CDH11: variants seen among roughly 807,000 people sequenced by gnomAD.
CDH11 encodes the protein cadherin-11.
In CDH11, 11 loss-of-function variants were observed where a neutral mutation model predicts 67.8. The ratio of observed to expected loss-of-function variants is 0.16; its 90% CI spans 0.10 to 0.27. The LOEUF (loss-of-function observed/expected upper bound fraction) is 0.27, where lower values mean the gene tolerates loss of function less well. Among genes scored for constraint, CDH11 ranks in the 10% least tolerant of loss-of-function variants. The pLI, the probability that CDH11 is intolerant of heterozygous loss-of-function variation, is 1.00. For missense variants in CDH11, 847 were observed against 1,031.2 expected (o/e 0.82, Z 2.45); for synonymous variants, 419 against 400.0 (o/e 1.05, Z -0.57).
chr16:65,022,781 T>C (rs1282238040), intron 2 of CDH11, among the ~76,000 whole-genome samples: 9 of 150,954 alleles, frequency 6.0e-5, no homozygotes, highest in Non-Finnish European at 1.2e-4. Flanking sequence ...AAAAACAGAG[T>C]ACCCAAGTAC....
intron 2 of CDH11, among the ~76,000 whole-genome samples, chr16:65,053,551 CT>C (rs2074093286): frequency 6.6e-6 from 1 of 152,214 alleles, no homozygotes; most frequent in African/African-American, 2.4e-5. Flanking sequence ...TTAGTTCCTT[CT>C]TTCTCCTCCA....
intron 1 of CDH11, among the ~76,000 whole-genome samples, chr16:65,069,104 T>G (rs1163995850): frequency 6.6e-6 from 1 of 152,208 alleles, no homozygotes; most frequent in Non-Finnish European, 1.5e-5. Flanking sequence ...GAAACACTCT[T>G]TTACATTCCC....
chr16:64,997,439 G>C (rs963096953), intron 4 of CDH11, among the ~76,000 whole-genome samples: 1 of 149,008 alleles, frequency 6.7e-6, no homozygotes, highest in African/African-American at 2.5e-5. Context: ...AGCCCGCAAA[G>C]GTGAGAATAA....
At chr16:65,047,337 T>C (rs1025915697) in intron 2 of CDH11, among the ~76,000 whole-genome samples, 2 of 151,674 alleles carry the variant, frequency 1.3e-5, no homozygotes, top group Non-Finnish European at 2.9e-5. Flanking sequence ...TTTCACCTTT[T>C]AATTTTTTTT....
At chr16:64,990,907 T>C (rs1460604014) in intron 6 of CDH11, among the ~76,000 whole-genome samples, 1 of 152,224 alleles carries the variant, frequency 6.6e-6, no homozygotes, top group East Asian at 1.9e-4. Flanking sequence ...AATTAGGTAC[T>C]GTGGAAGACT....
chr16:65,050,993 A>G (rs892126401), intron 2 of CDH11, among the ~76,000 whole-genome samples: 1 of 152,170 alleles, frequency 6.6e-6, no homozygotes, highest in Non-Finnish European at 1.5e-5. Flanking sequence ...CTCAGCAGAA[A>G]TGAGATGATC....
chr16:65,045,841 C>T (rs1185595876), intron 2 of CDH11, among the ~76,000 whole-genome samples: 2 of 152,128 alleles, frequency 1.3e-5, no homozygotes, highest in Admixed American at 1.3e-4. Context: ...TTGTCTGTCA[C>T]CCAGTAGATC....
chr16:64,958,007 T>C (rs1567489035), intron 11 of CDH11, among the ~76,000 whole-genome samples: 1 of 152,184 alleles, frequency 6.6e-6, no homozygotes. Context: ...CTCTATTTTC[T>C]TGCCTTTCTG....
chr16:65,091,712 C>G (rs575807246), intron 1 of CDH11, among the ~76,000 whole-genome samples: 1 of 151,908 alleles, frequency 6.6e-6, no homozygotes, highest in Non-Finnish European at 1.5e-5. Context: ...CCACCACGCC[C>G]GGCTAATTTT....
At chr16:65,014,540 C>T (rs1188087715) in intron 2 of CDH11, among the ~76,000 whole-genome samples, 2 of 152,058 alleles carry the variant, frequency 1.3e-5, no homozygotes, top group Non-Finnish European at 2.9e-5. Context: ...GGGCTAGTGG[C>T]CACCATCTAG....
At chr16:64,981,705 T>C (rs2072354955) in intron 8 of CDH11, 1 of 177,950 alleles carries the variant, frequency 5.6e-6, no homozygotes, top group Non-Finnish European at 1.2e-5. Context: ...TGGGAAGGTA[T>C]TTAATAAATT....
chr16:65,007,109 A>C (rs1323599727), intron 2 of CDH11: 1 of 152,236 alleles, frequency 6.6e-6, no homozygotes, highest in Admixed American at 6.5e-5. Context: ...TGACCTCAGC[A>C]ACCTAGAAAA....
In CDH11 at chr16:64,950,825, G is replaced by A. The variant is rs1384620302; in HGVS notation, c.1836C>T (p.Asn612=). 2 of 1,614,058 alleles carry A rather than the reference G, an allele frequency of 1.2e-6. No homozygotes were observed. Among genetic ancestry groups the A allele is most frequent in the East Asian group, 2.2e-5 (1 of 44,876 alleles). Residue 612 remains asparagine, a synonymous_variant, in exon 12 of 13, where the codon AAC becomes AAT. Transcript: ENST00000268603. ...LSCNAEAYIL[N]AGLSTGALIA... ...TCAGGGCGCCTGTGCTCAGGCCGGC[G>A]TTCAGAATGTAGGCCTCTGCGTTGC...
In CDH11 at chr16:65,087,608, T is replaced by C. The variant is rs115072860; in HGVS notation, c.-297-33680A>G. On this transcript the variant is annotated intron_variant, in intron 1 of 12. Coordinates refer to ENST00000268603, the MANE Select transcript of CDH11 (RefSeq NM_001797.4). The stretch of plus-strand genomic sequence containing the variant: ...GGAGATTTATGTAAATCAACTGCAT[T>C]AGGTAAATTGTTTGCAACACAAGCT... Among the ~76,000 whole-genome samples the C allele has an allele frequency of 7.0e-3, 1,064 of 152,314 alleles. 19 individuals carry two copies. The highest frequency in any genetic ancestry group is 0.024 in the African/African-American group (1,003 of 41,570).
chr16:65,083,498 A>G (rs1257273675), intron 1 of CDH11, among the ~76,000 whole-genome samples: 1 of 152,246 alleles, frequency 6.6e-6, no homozygotes, highest in Non-Finnish European at 1.5e-5. Context: ...GTGTCCAAAT[A>G]GCAAAAATGG....
At chr16:64,983,941 G>A (rs2072419920) in intron 7 of CDH11, among the ~76,000 whole-genome samples, 1 of 152,180 alleles carries the variant, frequency 6.6e-6, no homozygotes, top group Non-Finnish European at 1.5e-5. Flanking sequence ...AGAAACTTTT[G>A]TACTTGGTTT....
intron 6 of CDH11, among the ~76,000 whole-genome samples, chr16:64,989,419 T>G (rs2072574321): frequency 1.3e-5 from 2 of 152,132 alleles, no homozygotes; most frequent in African/African-American, 4.8e-5. Flanking sequence ...AGATTGGTTT[T>G]GCGTAGTGTG....
chr16:65,045,329 G>GGATATA, intron 2 of CDH11, among the ~76,000 whole-genome samples: 1 of 63,266 alleles, frequency 1.6e-5, no homozygotes, highest in Non-Finnish European at 3.3e-5. Flanking sequence ...TCCCTCAAAA[G>GGATATA]TATATATATA....
chr16:64,945,852 A>C lies in CDH11; in HGVS notation c.*1751T>G, dbSNP rs941669648. On this transcript the variant is annotated 3_prime_UTR_variant, in exon 13 of 13. Coordinates refer to ENST00000268603, the MANE Select transcript of CDH11 (RefSeq NM_001797.4). ...ACTTTCACAATAAAGTCAGAAAAAA[A>C]CTGTAAAAATTGTCTGCAATCCAAG... is the stretch of plus-strand genomic sequence containing the variant. 4 of 1,053,788 alleles carry C rather than the reference A, an allele frequency of 3.8e-6. No homozygotes were observed. Among genetic ancestry groups the C allele is most frequent in the African/African-American group, 1.7e-5 (1 of 60,434 alleles). The allele number at this position is 1,053,788 out of a possible 1,614,324, so 65.3% of individuals were successfully genotyped here. A position where few individuals can be genotyped will look rare whatever the true frequency, so the allele number is the denominator to read the frequency against.
Sources: allele counts gnomAD v4.1 joint callset (sites outside exome capture counted in the v4.1 genomes callset), GRCh38; gene constraint gnomAD v4.1.1; transcripts MANE v1.5; gene names NCBI Gene and HGNC (gene_info 2026-07-23, HGNC 2026-07-21).